Variants in GPR137C observed in about 807,000 individuals in gnomAD.
GPR137C encodes G protein-coupled receptor 137C, also known as integral membrane protein GPR137C.
Under a neutral mutation model 43.4 loss-of-function variants are expected in GPR137C, and 27 were observed. The observed-to-expected ratio is 0.62, with a 90% CI of 0.46 to 0.86. GPR137C has a LOEUF of 0.86. GPR137C is among the 40% of genes least tolerant of loss of function. GPR137C has a pLI of 0.00. For synonymous variants in GPR137C, 285 were observed against 226.9 expected, an observed-to-expected ratio of 1.26 and a Z score of -2.30; for missense variants, 522 against 534.6, an observed-to-expected ratio of 0.98 and a Z score of 0.23.
intron 1 of GPR137C, among the ~76,000 whole-genome samples, chr14:52,568,933 C>T (rs1240710861): frequency 6.6e-6 from 1 of 152,244 alleles, no homozygotes; most frequent in Admixed American, 6.5e-5. Flanking sequence ...CAGCACAGCG[C>T]TTGAGCTCTG....
At chr14:52,583,013 C>T (rs1428088916) in intron 1 of GPR137C, among the ~76,000 whole-genome samples, 1 of 151,798 alleles carries the variant, frequency 6.6e-6, no homozygotes, top group Non-Finnish European at 1.5e-5. Context: ...ATTTGACAGC[C>T]ATTAACCCTT....
chr14:52,561,853 T>C (rs1433661975), intron 1 of GPR137C, among the ~76,000 whole-genome samples: 1 of 152,090 alleles, frequency 6.6e-6, no homozygotes, highest in African/African-American at 2.4e-5. Context: ...GAGGGCAGGG[T>C]GAAATTTAGT....
chr14:52,567,661 G>T (rs78957415), intron 1 of GPR137C, among the ~76,000 whole-genome samples: 13,672 of 131,862 alleles, frequency 0.1, 521 homozygotes, highest in East Asian at 0.32. Flanking sequence ...TTTTTTTTTT[G>T]GTTTTTTTTT....
At chr14:52,617,618 G>A (rs2039113810) in intron 3 of GPR137C, among the ~76,000 whole-genome samples, 2 of 152,178 alleles carry the variant, frequency 1.3e-5, no homozygotes, top group African/African-American at 4.8e-5. Context: ...GGTGGAGTTT[G>A]CAGTGAGCCG....
At chr14:52,620,765 A>C (rs1318857943) in intron 3 of GPR137C, among the ~76,000 whole-genome samples, 1 of 152,038 alleles carries the variant, frequency 6.6e-6, no homozygotes, top group Non-Finnish European at 1.5e-5. Context: ...AGAATTTAAA[A>C]ATATAGTATT....
At chr14:52,608,192 T>C (rs2039002322) in intron 3 of GPR137C, among the ~76,000 whole-genome samples, 1 of 152,232 alleles carries the variant, frequency 6.6e-6, no homozygotes, top group Non-Finnish European at 1.5e-5. Flanking sequence ...TTTTTTACTG[T>C]CTTCTTTTGT....
In GPR137C at chr14:52,635,843, T is replaced by C. The variant is rs1443397037; in HGVS notation, c.*728T>C. 2.0e-5 allele frequency: 3 copies of C among 152,124 alleles called. No individual in the cohort carries two copies. Among genetic ancestry groups the C allele is most frequent in the Non-Finnish European group, 2.9e-5 (2 of 67,998 alleles). The allele number at this position is 152,124 out of a possible 1,614,324, so 9.4% of individuals were successfully genotyped here. On this transcript the variant is annotated 3_prime_UTR_variant, in exon 7 of 7. Transcript: ENST00000321662. ...TTATTTTGTGTAATTGAGATATATG[T>C]AGTAGTTTAAGCATGATTCTTGAAG...
intron 3 of GPR137C, among the ~76,000 whole-genome samples, chr14:52,604,076 A>C (rs555383527): frequency 6.6e-6 from 1 of 152,066 alleles, no homozygotes; most frequent in African/African-American, 2.4e-5. Context: ...AGAGATGTCT[A>C]TTCAGGTATG....
intron 1 of GPR137C, among the ~76,000 whole-genome samples, chr14:52,586,740 A>G (rs562028787): frequency 9.9e-5 from 15 of 152,130 alleles, no homozygotes; most frequent in Non-Finnish European, 1.8e-4. Context: ...TTGCATTCCA[A>G]AACTCACCTA....
At chr14:52,608,327 G>A (rs2139543584) in intron 3 of GPR137C, among the ~76,000 whole-genome samples, 1 of 152,286 alleles carries the variant, frequency 6.6e-6, no homozygotes, top group East Asian at 1.9e-4. Flanking sequence ...TTAACAACAA[G>A]TTACTTAAGA....
At chr14:52,566,679 C>G (rs1187924985) in intron 1 of GPR137C, among the ~76,000 whole-genome samples, 1 of 152,294 alleles carries the variant, frequency 6.6e-6, no homozygotes, top group East Asian at 1.9e-4. Context: ...ATATGATTAC[C>G]TGCTAGGAGC....
chr14:52,594,603 GTTTA>G (rs1156972385), intron 1 of GPR137C, among the ~76,000 whole-genome samples: 1 of 152,006 alleles, frequency 6.6e-6, no homozygotes, highest in African/African-American at 2.4e-5. Flanking sequence ...ATCTTTGTTG[GTTTA>G]AAGTCTGTTT....
chr14:52,596,789 G>A lies in GPR137C; in HGVS notation c.445-1483G>A, dbSNP rs1289628233. The A allele has an allele frequency of 3.6e-5, 14 of 384,550 alleles. No homozygotes were observed. The East Asian group carries it at 3.7e-4, about 10-fold the overall frequency. The allele number at this position is 384,550 out of a possible 1,614,324, so 23.8% of individuals were successfully genotyped here. A position where few individuals can be genotyped will look rare whatever the true frequency, so the allele number is the denominator to read the frequency against. ...ACCCCTTGTGCTTCCCAGGTGAGGCGACACCCTGCCCTGCTTCAGCTCACC... is the reference window on the plus strand; with the variant it reads ...ACCCCTTGTGCTTCCCAGGTGAGGCAACACCCTGCCCTGCTTCAGCTCACC... On this transcript the variant is annotated intron_variant, in intron 1 of 6. Coordinates refer to ENST00000321662, the MANE Select transcript of GPR137C (RefSeq NM_001099652.2).
chr14:52,628,093 A>G (rs2039250253), intron 3 of GPR137C, among the ~76,000 whole-genome samples: 1 of 152,220 alleles, frequency 6.6e-6, no homozygotes, highest in African/African-American at 2.4e-5. Context: ...AGGGATTCAT[A>G]CTACATTATG....
chr14:52,627,784 C>A (rs947588350), intron 3 of GPR137C, among the ~76,000 whole-genome samples: 1 of 152,034 alleles, frequency 6.6e-6, no homozygotes, highest in Non-Finnish European at 1.5e-5. Context: ...GTGGAGGTTG[C>A]AATGAGCCAA....
rs903781617 is a variant in GPR137C, at chr14:52,553,601, G to A, written c.444+10G>A. 1.3e-6 allele frequency: 2 copies of A among 1,554,968 alleles called. No homozygotes were observed. On this transcript the variant is annotated intron_variant, in intron 1 of 6. Coordinates refer to ENST00000321662, the MANE Select transcript of GPR137C (RefSeq NM_001099652.2). The stretch of plus-strand genomic sequence containing the variant: ...CCTCTACCTGGCGGAGGTAAGGCGG[G>A]AGGGCCGGCATGCGGGGCCCGGGCG...
chr14:52,601,781 T>C (rs1236345802), intron 3 of GPR137C, among the ~76,000 whole-genome samples: 1 of 151,908 alleles, frequency 6.6e-6, no homozygotes, highest in Non-Finnish European at 1.5e-5. Context: ...AAAGCATAAA[T>C]AGATGTTGAA....
rs2039341483 is a variant in GPR137C at position 52,635,327 on chromosome 14, G to A, written c.*212G>A. 2.4e-6 allele frequency: 1 copy of A among 421,706 alleles called. No homozygotes were observed. Among genetic ancestry groups the A allele is most frequent in the Admixed American group, 4.6e-5 (1 of 21,974 alleles). The allele number at this position is 421,706 out of a possible 1,614,324, so 26.1% of individuals were successfully genotyped here. A position where few individuals can be genotyped will look rare whatever the true frequency, so the allele number is the denominator to read the frequency against. The stretch of plus-strand genomic sequence containing the variant: ...GGAAAGTTTGGAGTAGGAGAAAAGA[G>A]AGATTAGATCTTAAGGCACTTGATG... On this transcript the variant is annotated 3_prime_UTR_variant, in exon 7 of 7. Coordinates refer to ENST00000321662, the MANE Select transcript of GPR137C (RefSeq NM_001099652.2).
intron 1 of GPR137C, among the ~76,000 whole-genome samples, chr14:52,561,508 G>A (rs921251561): frequency 6.6e-6 from 1 of 152,156 alleles, no homozygotes. Flanking sequence ...GAAAGCATAT[G>A]TTCCTATAAA....
Sources: gnomAD v4.1 joint callset for allele counts (sites outside exome capture counted in the v4.1 genomes callset) on GRCh38, gnomAD v4.1.1 for gene constraint, MANE v1.5 for transcripts, NCBI Gene and HGNC (gene_info 2026-07-23, HGNC 2026-07-21) for gene names.